The following BCAS3 variants were observed in gnomAD, a reference collection of about 807,000 sequenced individuals.
The protein encoded by BCAS3 is BCAS3 microtubule associated cell migration factor, also known as BCAS4/BCAS3 fusion.
BCAS3 carries 53 observed loss-of-function variants against 116.1 expected under a neutral mutation model. The ratio of observed to expected loss-of-function variants is 0.46; its 90% CI spans 0.37 to 0.57. BCAS3 has a LOEUF of 0.57. BCAS3 is among the 20% of genes least tolerant of loss of function. The pLI is 0.00. For synonymous variants in BCAS3, 391 were observed against 408.2 expected (o/e 0.96, Z 0.51); for missense variants, 917 against 1,165.4 (o/e 0.79, Z 3.10).
intron 2 of BCAS3, among the ~76,000 whole-genome samples, chr17:60,683,381 G>A (rs897042920): frequency 6.6e-6 from 1 of 151,988 alleles, no homozygotes; most frequent in Non-Finnish European, 1.5e-5. Flanking sequence ...AATTAGGAGA[G>A]CATGACTTTT....
In BCAS3 at chr17:60,993,528, G is replaced by A. The variant is rs955551821; in HGVS notation, c.1486+3293G>A. Among the ~76,000 whole-genome samples, 11 of 152,154 alleles carry A rather than the reference G, an allele frequency of 7.2e-5. No homozygotes were observed. Among genetic ancestry groups the A allele is most frequent in the African/African-American group, 2.7e-4 (11 of 41,448 alleles). The stretch of plus-strand genomic sequence containing the variant: ...CCAGAATTTCCGTCTATTACTCTGT[G>A]TAGTTTTTCTCATTTTTGAAGCATG... On this transcript the variant is annotated intron_variant, in intron 15 of 23. Transcript: ENST00000407086. The surrounding 1 kb of genome is among the most constrained non-coding windows in gnomAD (Gnocchi z 4.2).
rs549228921 is a variant in BCAS3 at position 60,694,520 on chromosome 17, T to TA, written c.214+4759_214+4760insA. On this transcript the variant is annotated intron_variant, in intron 4 of 23. Transcript: ENST00000407086. ...ATCTCAAAAAAAAAAAATTTATTGA[T>TA]CATTAAAAATTGAGACAAGGTCTCA... Among the ~76,000 whole-genome samples, 21 of 152,072 alleles carry TA rather than the reference T, an allele frequency of 1.4e-4. 1 individual carries two copies. In the South Asian group the frequency reaches 4.4e-3, roughly 32 times the overall value.
rs186488942 is a variant in BCAS3 at position 61,118,887 on chromosome 17, T to G, written c.2425+34323T>G. Among the ~76,000 whole-genome samples the G allele has an allele frequency of 3.9e-5, 6 of 152,288 alleles. No homozygotes were observed. In the East Asian group the frequency reaches 1.2e-3, roughly 29 times the overall value. ...TTGCCTAATCTGGTTTTTTTTTTGT[T>G]TCTTATTGCATACTAACACTACCCC... On this transcript the variant is annotated intron_variant, in intron 22 of 23. Coordinates refer to ENST00000407086, the MANE Select transcript of BCAS3 (RefSeq NM_017679.5). The surrounding 1 kb of genome is among the most constrained non-coding windows in gnomAD (Gnocchi z 5.0).
chr17:60,865,587 A>G (rs1461328465), intron 7 of BCAS3, among the ~76,000 whole-genome samples: 1 of 152,250 alleles, frequency 6.6e-6, no homozygotes, highest in East Asian at 1.9e-4. Flanking sequence ...CTATACAAAC[A>G]TGATTGTGTA....
At chr17:60,862,050 G>C (rs1187138100) in intron 7 of BCAS3, among the ~76,000 whole-genome samples, 1 of 152,198 alleles carries the variant, frequency 6.6e-6, no homozygotes, top group Non-Finnish European at 1.5e-5. Flanking sequence ...TCGGGAGGCC[G>C]AGGAGGGCGG....
rs923440818 is a variant in BCAS3 at position 61,219,531 on chromosome 17, T to A, written c.2425+134967T>A. 6.6e-6 allele frequency among the ~76,000 whole-genome samples: 1 copy of A among 152,220 alleles called. No individual in the cohort carries two copies. The highest frequency in any genetic ancestry group is 1.5e-5 in the Non-Finnish European group (1 of 68,028). ...TTATCTTGTACCTTCTTGCTCATAG[T>A]ATTGACAGTACCACTGAATTGCTTG... On this transcript the variant is annotated intron_variant, in intron 22 of 23. Coordinates refer to ENST00000407086, the MANE Select transcript of BCAS3 (RefSeq NM_017679.5). The surrounding 1 kb of genome is among the most constrained non-coding windows in gnomAD (Gnocchi z 5.2).
chr17:60,827,093 A>C (rs1317194795), intron 7 of BCAS3, among the ~76,000 whole-genome samples: 1 of 152,244 alleles, frequency 6.6e-6, no homozygotes. Flanking sequence ...TTGGAGTCAC[A>C]TAGACCTAGC....
intron 7 of BCAS3, among the ~76,000 whole-genome samples, chr17:60,866,358 A>C (rs1358835373): frequency 2.0e-5 from 3 of 152,024 alleles, no homozygotes; most frequent in Non-Finnish European, 4.4e-5. Flanking sequence ...TGAACTCCCA[A>C]CCTCAGGTGA....
intron 19 of BCAS3, among the ~76,000 whole-genome samples, chr17:61,061,919 T>C (rs1038236665): frequency 2.0e-5 from 3 of 152,160 alleles, no homozygotes; most frequent in African/African-American, 7.2e-5. Flanking sequence ...TAATGATAAA[T>C]AAACAGATAC....
In BCAS3 at chr17:61,380,564, G is replaced by C. The variant is rs1471849768; in HGVS notation, c.2594-11413G>C. On this transcript the variant is annotated intron_variant, in intron 23 of 23. Coordinates refer to ENST00000407086, the MANE Select transcript of BCAS3 (RefSeq NM_017679.5). The surrounding 1 kb of genome is among the most constrained non-coding windows in gnomAD (Gnocchi z 4.2). ...CCCCTGAGAGACACGTGGCAGTGAAGTGTTTTGGTATGTAACGTCCTATCT... is the reference window on the plus strand; with the variant it reads ...CCCCTGAGAGACACGTGGCAGTGAACTGTTTTGGTATGTAACGTCCTATCT... 2.5e-6 allele frequency: 4 copies of C among 1,597,992 alleles called. No individual in the cohort carries two copies. In the East Asian group the frequency reaches 8.9e-5, roughly 36 times the overall value.
At chr17:61,218,225 G>A (rs771682060) in intron 22 of BCAS3, among the ~76,000 whole-genome samples, 1 of 152,188 alleles carries the variant, frequency 6.6e-6, no homozygotes, top group Non-Finnish European at 1.5e-5. Context: ...GCATTCCAAG[G>A]CTGCTGTGAG....
At chr17:61,294,293 G>GT (rs2052695608) in intron 22 of BCAS3, among the ~76,000 whole-genome samples, 1 of 152,132 alleles carries the variant, frequency 6.6e-6, no homozygotes, top group Admixed American at 6.5e-5. Context: ...TGGTAGTACT[G>GT]TGATGTCCCT....
chr17:61,122,033 C>T lies in BCAS3; in HGVS notation c.2425+37469C>T, dbSNP rs900835216. ...GTGAGCCACTGTGCCCGGCCAAAAA[C>T]ATATGATTTTTACAAAAGAAAATTT... On this transcript the variant is annotated intron_variant, in intron 22 of 23. Coordinates refer to ENST00000407086, the MANE Select transcript of BCAS3 (RefSeq NM_017679.5). This position sits in a 1 kb window ranked among gnomAD's most constrained non-coding sequence, Gnocchi z 4.6. 1.1e-4 allele frequency among the ~76,000 whole-genome samples: 16 copies of T among 152,114 alleles called. No individual in the cohort carries two copies. The highest frequency in any genetic ancestry group is 2.2e-4 in the Non-Finnish European group (15 of 68,024).
At chr17:61,003,815 A>T (rs1426678154) in intron 15 of BCAS3, 1 of 152,142 alleles carries the variant, frequency 6.6e-6, no homozygotes, top group Non-Finnish European at 1.5e-5. Flanking sequence ...CAACAAATCA[A>T]TACTAAGGAA....
At position 61,332,167 on chromosome 17, in the gene BCAS3, C is replaced by T. The variant is rs2056346428; in HGVS notation, c.2426-36160C>T. Reference sequence around the variant, plus strand: ...CCACGGGCTCCTCTCTCTGGAAAGGCTCTGCAGAGAGACACCTGGATGGCT... The same window carrying T: ...CCACGGGCTCCTCTCTCTGGAAAGGTTCTGCAGAGAGACACCTGGATGGCT... On this transcript the variant is annotated intron_variant, in intron 22 of 23. Transcript: ENST00000407086. The surrounding 1 kb of genome is among the most constrained non-coding windows in gnomAD (Gnocchi z 5.4). Among the ~76,000 whole-genome samples, 1 of 152,194 alleles carries T rather than the reference C, an allele frequency of 6.6e-6. No individual in the cohort carries two copies. Among genetic ancestry groups the T allele is most frequent in the Non-Finnish European group, 1.5e-5 (1 of 68,034 alleles).
intron 22 of BCAS3, among the ~76,000 whole-genome samples, chr17:61,296,338 A>G (rs1219957451): frequency 6.6e-6 from 1 of 152,174 alleles, no homozygotes; most frequent in Non-Finnish European, 1.5e-5. Flanking sequence ...CACGATCACT[A>G]TGAGTTGATG....
intron 22 of BCAS3, among the ~76,000 whole-genome samples, chr17:61,253,266 G>C (rs1452865629): frequency 6.6e-6 from 1 of 151,628 alleles, no homozygotes; most frequent in Non-Finnish European, 1.5e-5. Flanking sequence ...TAATATCAAT[G>C]CCTGGGCTGG....
At chr17:61,289,619 G>A (rs2052185857) in intron 22 of BCAS3, among the ~76,000 whole-genome samples, 1 of 152,096 alleles carries the variant, frequency 6.6e-6, no homozygotes, top group Non-Finnish European at 1.5e-5. Flanking sequence ...TAAATCACTG[G>A]AGATTAGAGA....
intron 19 of BCAS3, among the ~76,000 whole-genome samples, chr17:61,043,479 A>G (rs1275632005): frequency 6.6e-6 from 1 of 152,058 alleles, no homozygotes; most frequent in African/African-American, 2.4e-5. Flanking sequence ...TCAATTCTTT[A>G]TAAGGCTGAT....
Sources: gnomAD v4.1 joint callset for allele counts (sites outside exome capture counted in the v4.1 genomes callset) on GRCh38, gnomAD v4.1.1 for gene constraint, Gnocchi (gnomAD v3.1) non-coding constraint, MANE v1.5 for transcripts, NCBI Gene and HGNC (gene_info 2026-07-23, HGNC 2026-07-21) for gene names.